Variants in NRXN1 observed in about 807,000 individuals in gnomAD.
NRXN1 encodes neurexin-1.
Under a neutral mutation model 150.9 loss-of-function variants are expected in NRXN1, and 39 were observed. That is an observed-to-expected ratio of 0.26 (90% confidence interval 0.20 to 0.34). NRXN1 has a LOEUF of 0.34. Among genes scored for constraint, NRXN1 ranks in the 10% least tolerant of loss-of-function variants. NRXN1 has a pLI of 1.00. For synonymous variants in NRXN1, 924 were observed against 757.0 expected (o/e 1.22, Z -3.62); for missense variants, 1,815 against 1,949.9 (o/e 0.93, Z 1.30).
intron 5 of NRXN1, among the ~76,000 whole-genome samples, chr2:50,654,777 C>A (rs1031111935): frequency 2.0e-5 from 3 of 151,986 alleles, no homozygotes; most frequent in African/African-American, 7.2e-5. Context: ...TCTCTGATGG[C>A]CAGTGATGAT....
intron 17 of NRXN1, among the ~76,000 whole-genome samples, chr2:50,256,522 G>C (rs1401280696): frequency 6.6e-6 from 1 of 152,058 alleles, no homozygotes; most frequent in Non-Finnish European, 1.5e-5. Context: ...CTATTGCATT[G>C]TCTTGAGTTA....
chr2:50,942,130 C>A (rs1335143294), intron 2 of NRXN1, among the ~76,000 whole-genome samples: 1 of 152,188 alleles, frequency 6.6e-6, no homozygotes, highest in Non-Finnish European at 1.5e-5. Flanking sequence ...AAGCCCCAAG[C>A]CTTGGCAGCT....
chr2:50,842,267 A>G (rs1033430612), intron 5 of NRXN1, among the ~76,000 whole-genome samples: 4 of 152,182 alleles, frequency 2.6e-5, no homozygotes, highest in African/African-American at 9.7e-5. Flanking sequence ...TAGATCACAG[A>G]TATGTGTTAA....
intron 17 of NRXN1, among the ~76,000 whole-genome samples, chr2:50,403,276 T>C (rs2082520262): frequency 6.6e-6 from 1 of 152,126 alleles, no homozygotes; most frequent in Non-Finnish European, 1.5e-5. Flanking sequence ...CTTGTTTGCT[T>C]GATAATCATT....
intron 1 of NRXN1, among the ~76,000 whole-genome samples, chr2:51,030,824 A>G (rs1014470096): frequency 6.6e-6 from 1 of 152,098 alleles, no homozygotes; most frequent in African/African-American, 2.4e-5. Context: ...AATCTGGAAT[A>G]TCATGATCAA....
chr2:50,660,460 G>T (rs939187944), intron 5 of NRXN1, among the ~76,000 whole-genome samples: 6 of 151,906 alleles, frequency 3.9e-5, no homozygotes, highest in African/African-American at 1.4e-4. Flanking sequence ...AAAATTACTT[G>T]CAAAAAGAAA....
At chr2:50,144,002 A>G (rs1707656468) in intron 18 of NRXN1, among the ~76,000 whole-genome samples, 1 of 152,022 alleles carries the variant, frequency 6.6e-6, no homozygotes, top group East Asian at 1.9e-4. Context: ...GGTTTTCCAA[A>G]GTAAAACACT....
intron 17 of NRXN1, among the ~76,000 whole-genome samples, chr2:50,301,777 A>G (rs933958934): frequency 2.0e-5 from 3 of 152,212 alleles, no homozygotes; most frequent in African/African-American, 7.2e-5. Context: ...AATCAAGATG[A>G]GGCCCATTGC....
intron 5 of NRXN1, among the ~76,000 whole-genome samples, chr2:50,896,816 C>T (rs541967411): frequency 4.0e-5 from 6 of 150,980 alleles, no homozygotes; most frequent in African/African-American, 1.5e-4. Context: ...CACTGCACCC[C>T]AGCCTGGGCG....
chr2:50,694,937 T>G (rs1475106641), intron 5 of NRXN1, among the ~76,000 whole-genome samples: 1 of 152,158 alleles, frequency 6.6e-6, no homozygotes, highest in East Asian at 1.9e-4. Flanking sequence ...CTGATGGGGC[T>G]GAAAGACAGT....
At chr2:50,041,006 C>A (rs1001221745) in intron 21 of NRXN1, among the ~76,000 whole-genome samples, 2 of 152,046 alleles carry the variant, frequency 1.3e-5, no homozygotes, top group Admixed American at 6.6e-5. Flanking sequence ...CTAATGCTAT[C>A]CCTCCTCCCT....
At chr2:50,659,349 C>T (rs542817989) in intron 5 of NRXN1, among the ~76,000 whole-genome samples, 2 of 152,052 alleles carry the variant, frequency 1.3e-5, no homozygotes, top group Middle Eastern at 3.4e-3. Flanking sequence ...TTTGATAGGC[C>T]TATTACTTGA....
intron 8 of NRXN1, among the ~76,000 whole-genome samples, chr2:50,558,445 A>G (rs1558934988): frequency 2.0e-5 from 3 of 152,222 alleles, no homozygotes; most frequent in Non-Finnish European, 1.5e-5. Flanking sequence ...AATGAGTTAC[A>G]TGTGCGTTCT....
At chr2:50,329,553 A>G in intron 17 of NRXN1, among the ~76,000 whole-genome samples, 1 of 138,906 alleles carries the variant, frequency 7.2e-6, no homozygotes, top group Middle Eastern at 3.8e-3. Flanking sequence ...ACAAATATTT[A>G]GATTAAACTA....
intron 18 of NRXN1, among the ~76,000 whole-genome samples, chr2:50,186,243 A>G (rs182586069): frequency 2.6e-5 from 4 of 152,196 alleles, no homozygotes; most frequent in Middle Eastern, 6.8e-3. Context: ...ACTACGCTCA[A>G]CTAACAAGGG....
intron 5 of NRXN1, among the ~76,000 whole-genome samples, chr2:50,738,384 G>C (rs1268555749): frequency 1.3e-5 from 2 of 152,110 alleles, no homozygotes; most frequent in Non-Finnish European, 2.9e-5. Flanking sequence ...CTATTTCAAA[G>C]GACAGATCTG....
intron 5 of NRXN1, among the ~76,000 whole-genome samples, chr2:50,726,150 C>A (rs1697338350): frequency 6.6e-6 from 1 of 152,122 alleles, no homozygotes; most frequent in Non-Finnish European, 1.5e-5. Flanking sequence ...TGCTTGTATA[C>A]CTAGCGAGGA....
In NRXN1 at chr2:50,344,967, C is replaced by T. The variant is rs563975740; in HGVS notation, c.3365-107997G>A. Among the ~76,000 whole-genome samples the T allele has an allele frequency of 2.0e-5, 3 of 152,326 alleles. No homozygotes were observed. The South Asian group carries it at 6.2e-4, about 32-fold the overall frequency. On this transcript the variant is annotated intron_variant, in intron 17 of 22. Transcript: ENST00000401669. ...TTGCCTCCGTCCCTCAGGACTCACACAATTCTGCACAAAGGCAGGGCAGTG... is the reference window on the plus strand; with the variant it reads ...TTGCCTCCGTCCCTCAGGACTCACATAATTCTGCACAAAGGCAGGGCAGTG...
intron 5 of NRXN1, among the ~76,000 whole-genome samples, chr2:50,661,827 A>G (rs2080481169): frequency 6.6e-6 from 1 of 152,090 alleles, no homozygotes; most frequent in South Asian, 2.1e-4. Context: ...AATGCTTGAC[A>G]TGCAAACGCT....
Sources: allele counts gnomAD v4.1 joint callset (sites outside exome capture counted in the v4.1 genomes callset), GRCh38; gene constraint gnomAD v4.1.1; transcripts MANE v1.5; gene names NCBI Gene and HGNC (gene_info 2026-07-23, HGNC 2026-07-21).